RBFOX1: variants seen among roughly 807,000 people sequenced by gnomAD.
The protein encoded by RBFOX1 is RNA binding fox-1 homolog 1.
RBFOX1 carries 8 observed loss-of-function variants against 57.7 expected under a neutral mutation model. The ratio of observed to expected loss-of-function variants is 0.14; its 90% CI spans 0.08 to 0.25. The LOEUF is 0.25. Among genes scored for constraint, RBFOX1 ranks in the 10% least tolerant of loss-of-function variants. The pLI, the probability that RBFOX1 is intolerant of heterozygous loss-of-function variation, is 1.00. For missense variants in RBFOX1, 611 were observed against 548.5 expected, an observed-to-expected ratio of 1.11 and a Z score of -1.14; for synonymous variants, 326 against 222.4, an observed-to-expected ratio of 1.47 and a Z score of -4.15.
chr16:6,619,599 G>A (rs1242190872), intron 2 of RBFOX1, among the ~76,000 whole-genome samples: 4 of 151,626 alleles, frequency 2.6e-5, no homozygotes, highest in Non-Finnish European at 5.9e-5. Flanking sequence ...TGCGTCTAAG[G>A]GTAGGAGACT....
intron 4 of RBFOX1, among the ~76,000 whole-genome samples, chr16:7,370,205 T>C: frequency 6.6e-6 from 1 of 152,174 alleles, no homozygotes; most frequent in East Asian, 1.9e-4. Flanking sequence ...ACATTGCCAT[T>C]GTCCCCTGGG....
chr16:5,862,521 C>T (rs1039556991), intron 3 of RBFOX1, among the ~76,000 whole-genome samples: 1 of 152,118 alleles, frequency 6.6e-6, no homozygotes, highest in Admixed American at 6.5e-5. Flanking sequence ...AATGTCCAAC[C>T]AGGGAATAGC....
chr16:5,474,230 G>C (rs2069239391), intron 2 of RBFOX1, among the ~76,000 whole-genome samples: 1 of 152,194 alleles, frequency 6.6e-6, no homozygotes, highest in Non-Finnish European at 1.5e-5. Flanking sequence ...CTAAGCATTA[G>C]GAACTTGTCA....
intron 2 of RBFOX1, among the ~76,000 whole-genome samples, chr16:6,320,507 A>T (rs923426838): frequency 4.0e-5 from 6 of 151,758 alleles, no homozygotes; most frequent in African/African-American, 9.7e-5. Context: ...ATAAAATTTA[A>T]TTTTTTTTTA....
chr16:6,477,213 G>A (rs2095287459), intron 2 of RBFOX1, among the ~76,000 whole-genome samples: 1 of 152,072 alleles, frequency 6.6e-6, no homozygotes, highest in South Asian at 2.1e-4. Context: ...TGTTCTTAAT[G>A]GCATCTCAAA....
At chr16:6,138,304 G>C (rs144425601) in intron 1 of RBFOX1, among the ~76,000 whole-genome samples, 2 of 152,270 alleles carry the variant, frequency 1.3e-5, no homozygotes, top group Admixed American at 1.3e-4. Flanking sequence ...TTTTTATTTT[G>C]TATTGGGTCA....
Position 6,823,887 on chromosome 16 carries a change from C to T in RBFOX1, c.-16+169237C>T, listed in dbSNP as rs140510462. 1.1e-4 allele frequency among the ~76,000 whole-genome samples: 17 copies of T among 152,174 alleles called. No individual in the cohort carries two copies. In the East Asian group the frequency reaches 2.3e-3, roughly 21 times the overall value. ...CTGGGGTTGAGGGGATTACAGATTG[C>T]TGCAAAAAGGAGCATGCTGGAGTTA... On this transcript the variant is annotated intron_variant, in intron 3 of 15. Coordinates refer to ENST00000550418, the MANE Select transcript of RBFOX1 (RefSeq NM_018723.4).
At chr16:6,595,871 A>G (rs546744496) in intron 2 of RBFOX1, among the ~76,000 whole-genome samples, 1 of 152,236 alleles carries the variant, frequency 6.6e-6, no homozygotes, top group African/African-American at 2.4e-5. Context: ...GACAAACCCT[A>G]TTAAAAAAAT....
At chr16:5,939,292 T>A (rs1288473443) in intron 4 of RBFOX1, among the ~76,000 whole-genome samples, 1 of 152,218 alleles carries the variant, frequency 6.6e-6, no homozygotes, top group East Asian at 1.9e-4. Context: ...ATCACAAACT[T>A]AGATTAAAAC....
rs541361745 is a variant in RBFOX1, at chr16:7,152,447, A to G, written c.27+100349A>G. On this transcript the variant is annotated intron_variant, in intron 4 of 15. Coordinates refer to ENST00000550418, the MANE Select transcript of RBFOX1 (RefSeq NM_018723.4). ...AAATTGCCATCAATTGTTAATGGTT[A>G]TCATAGTTCAAAACTCCATTAAAGA... Among the ~76,000 whole-genome samples the G allele has an allele frequency of 1.2e-3, 180 of 152,344 alleles. 1 individual carries two copies. Among genetic ancestry groups the G allele is most frequent in the African/African-American group, 4.2e-3 (176 of 41,566 alleles).
chr16:5,975,995 T>G (rs1014795462), intron 4 of RBFOX1, among the ~76,000 whole-genome samples: 1 of 151,988 alleles, frequency 6.6e-6, no homozygotes, highest in African/African-American at 2.4e-5. Context: ...AATACAAAAA[T>G]TAGCCGGATG....
At chr16:7,637,057 G>A (rs1473044717) in intron 11 of RBFOX1, among the ~76,000 whole-genome samples, 3 of 152,082 alleles carry the variant, frequency 2.0e-5, no homozygotes, top group African/African-American at 7.2e-5. Flanking sequence ...CTTGATACAG[G>A]GATGTCAGTT....
intron 3 of RBFOX1, among the ~76,000 whole-genome samples, chr16:7,020,817 T>G (rs72776260): frequency 6.6e-6 from 1 of 152,024 alleles, no homozygotes; most frequent in Admixed American, 6.5e-5. Context: ...CTGACCGGCT[T>G]AAGTGAGCAC....
At chr16:6,048,448 T>C (rs1349789575) in intron 1 of RBFOX1, among the ~76,000 whole-genome samples, 4 of 152,250 alleles carry the variant, frequency 2.6e-5, no homozygotes, top group Non-Finnish European at 5.9e-5. Flanking sequence ...TGAAACTTCA[T>C]TATTTAATGT....
At chr16:6,638,754 C>T (rs548036548) in intron 2 of RBFOX1, among the ~76,000 whole-genome samples, 4 of 152,266 alleles carry the variant, frequency 2.6e-5, no homozygotes, top group African/African-American at 4.8e-5. Context: ...GACTTCTCTT[C>T]GCTATTGTAA....
At chr16:7,065,874 G>A (rs1000644401) in intron 4 of RBFOX1, among the ~76,000 whole-genome samples, 1 of 151,984 alleles carries the variant, frequency 6.6e-6, no homozygotes, top group African/African-American at 2.4e-5. Flanking sequence ...TTTTTTAGAC[G>A]CTACATGGAA....
intron 4 of RBFOX1, among the ~76,000 whole-genome samples, chr16:5,886,629 T>G (rs554811515): frequency 2.5e-4 from 38 of 152,344 alleles, no homozygotes; most frequent in African/African-American, 8.9e-4. Context: ...GGCTCACGCC[T>G]GTCATCTCAG....
intron 4 of RBFOX1, among the ~76,000 whole-genome samples, chr16:7,212,958 A>G (rs1603255078): frequency 6.6e-6 from 1 of 152,236 alleles, no homozygotes; most frequent in South Asian, 2.1e-4. Context: ...TATTTTGAGA[A>G]TAATTCTATG....
chr16:6,878,378 T>C (rs1158616215), intron 3 of RBFOX1, among the ~76,000 whole-genome samples: 1 of 152,190 alleles, frequency 6.6e-6, no homozygotes, highest in Non-Finnish European at 1.5e-5. Flanking sequence ...ATCTCTCTGA[T>C]ATGGTGGCTA....
Sources: allele counts gnomAD v4.1 joint callset (sites outside exome capture counted in the v4.1 genomes callset), GRCh38; gene constraint gnomAD v4.1.1; transcripts MANE v1.5; gene names NCBI Gene and HGNC (gene_info 2026-07-23, HGNC 2026-07-21).